ACTN2: variants seen among roughly 807,000 people sequenced by gnomAD.
ACTN2 encodes alpha-actinin-2.
ACTN2 carries 39 observed loss-of-function variants against 113.8 expected under a neutral mutation model. The ratio of observed to expected loss-of-function variants is 0.34; its 90% CI spans 0.27 to 0.45. The LOEUF (loss-of-function observed/expected upper bound fraction) is 0.45, where lower values mean the gene tolerates loss of function less well. ACTN2 is among the 20% of genes least tolerant of loss of function. The pLI, the probability that ACTN2 is intolerant of heterozygous loss-of-function variation, is 1.00. For synonymous variants in ACTN2, 429 were observed against 444.1 expected, an observed-to-expected ratio of 0.97 and a Z score of 0.43; for missense variants, 992 against 1,177.9, an observed-to-expected ratio of 0.84 and a Z score of 2.31.
At chr1:236,701,344 G>T (rs1395408455) in intron 1 of ACTN2, among the ~76,000 whole-genome samples, 1 of 151,998 alleles carries the variant, frequency 6.6e-6, no homozygotes, top group Admixed American at 6.6e-5. Flanking sequence ...GGAAACATTG[G>T]TGAAGTGAGA....
chr1:236,689,568 C>T (rs974900719), intron 1 of ACTN2, among the ~76,000 whole-genome samples: 3 of 151,814 alleles, frequency 2.0e-5, no homozygotes. Context: ...CTGTGTTGCC[C>T]AGGCTGGTCT....
Position 236,744,618 on chromosome 1 carries a change from C to G in ACTN2, c.1256-8C>G, listed in dbSNP as rs747638397. 6.2e-7 allele frequency: 1 copy of G among 1,614,084 alleles called. No individual in the cohort carries two copies. The highest frequency in any genetic ancestry group is 8.5e-7 in the Non-Finnish European group (1 of 1,180,020). On this transcript the variant is annotated splice_region_variant and splice_polypyrimidine_tract_variant and intron_variant, in intron 11 of 20. Transcript: ENST00000366578. ...CATATTCATACTTTCTTGCTACCACCTTTGCAGGCAAAGAGCAGATCTTGC... is the reference window on the plus strand; with the variant it reads ...CATATTCATACTTTCTTGCTACCACGTTTGCAGGCAAAGAGCAGATCTTGC...
In ACTN2 at chr1:236,735,671, T is replaced by C; in HGVS notation, c.734T>C (p.Ile245Thr). Residue 245 changes from isoleucine (I) to threonine (T), a missense_variant, in exon 8 of 21, where the codon ATC becomes ACC. Coordinates refer to ENST00000366578, the MANE Select transcript of ACTN2 (RefSeq NM_001103.4). ...ACCCCTAAACCCGATGAAAGAGCCA[T>C]CATGACGTACGTCTCTTGCTTCTAC... The part of the protein sequence containing the change: ...VNTPKPDERA[I>T]MTYVSCFYHA... 1 of 1,614,208 alleles carries C rather than the reference T, an allele frequency of 6.2e-7. No individual in the cohort carries two copies. The highest frequency in any genetic ancestry group is 8.5e-7 in the Non-Finnish European group (1 of 1,180,026).
chr1:236,755,259 G>C, intron 17 of ACTN2, 61 bp downstream of exon 17: 4 of 1,597,062 alleles, frequency 2.5e-6, no homozygotes, highest in Non-Finnish European at 3.4e-6. Flanking sequence ...CACCTCCTCA[G>C]GGTGCTTTCT....
intron 1 of ACTN2, among the ~76,000 whole-genome samples, chr1:236,715,437 A>T (rs1658166369): frequency 1.3e-5 from 2 of 151,920 alleles, no homozygotes; most frequent in African/African-American, 4.8e-5. Context: ...CCTTCAAAAA[A>T]CAAAACTTAA....
At chr1:236,761,285 C>A in intron 20 of ACTN2, 112 bp downstream of exon 20, 4 of 1,272,276 alleles carry the variant, frequency 3.1e-6, no homozygotes, top group Non-Finnish European at 4.5e-6. Context: ...GTATTTTGTA[C>A]AACATTGGCA....
intron 1 of ACTN2, among the ~76,000 whole-genome samples, chr1:236,701,904 GCTGTCA>G (rs1202271543): frequency 2.0e-5 from 3 of 152,166 alleles, no homozygotes; most frequent in African/African-American, 4.8e-5. Context: ...CACAGGTAGG[GCTGTCA>G]CCATGGAGGC....
Position 236,760,244 on chromosome 1 carries a change from CA to C in ACTN2, c.2367+468del, listed in dbSNP as rs75010158. On this transcript the variant is annotated intron_variant, in intron 19 of 20. Transcript: ENST00000366578. ...CTAGATGACAAGAGTGAAACTCCAT[CA>C]AAAAAAAAAAAAGTCACAGAACCAA... Among the ~76,000 whole-genome samples, 775 of 131,552 alleles carry C rather than the reference CA, an allele frequency of 5.9e-3. 2 individuals are homozygous for C. Among genetic ancestry groups the C allele is most frequent in the African/African-American group, 9.6e-3 (344 of 35,730 alleles). 86.3% of individuals were successfully genotyped at this position (131,552 alleles called of 152,430 possible).
chr1:236,698,900 C>T (rs1289278094), intron 1 of ACTN2, among the ~76,000 whole-genome samples: 1 of 152,148 alleles, frequency 6.6e-6, no homozygotes, highest in Non-Finnish European at 1.5e-5. Context: ...ATATTATCTT[C>T]ATTATTTTAG....
At chr1:236,700,793 C>T (rs1044697228) in intron 1 of ACTN2, among the ~76,000 whole-genome samples, 4 of 152,158 alleles carry the variant, frequency 2.6e-5, no homozygotes, top group Admixed American at 6.5e-5. Flanking sequence ...TTTTAGGGGC[C>T]GTCTTGCCAA....
At position 236,755,100 on chromosome 1, in the gene ACTN2, A is replaced by G. The variant is rs534607483; in HGVS notation, c.2056A>G (p.Ile686Val). ...NQLKQYEHNIINYKNNIDKLE... is the reference protein window; with the variant it reads ...NQLKQYEHNIVNYKNNIDKLE... The stretch of plus-strand genomic sequence containing the variant: ...GCTGAAGCAGTATGAGCACAACATC[A>G]TCAACTATAAGAACAACATCGACAA... Residue 686 changes from isoleucine (I) to valine (V), a missense_variant, in exon 17 of 21, where the codon ATC becomes GTC. Physicochemically the swap from Ile to Val is conservative, Grantham distance 29. This residue lies in a region of ACTN2 where 736 missense variants were observed against 815.4 expected (regional missense o/e 0.90). Coordinates refer to ENST00000366578, the MANE Select transcript of ACTN2 (RefSeq NM_001103.4). The G allele has an allele frequency of 5.6e-6, 9 of 1,614,226 alleles. No individual in the cohort carries two copies. Among genetic ancestry groups the G allele is most frequent in the Admixed American group, 1.7e-5 (1 of 60,032 alleles).
At chr1:236,737,297 GCATATATATATATATA>G in intron 9 of ACTN2, 83 bp downstream of exon 9, 1 of 318,344 alleles carries the variant, frequency 3.1e-6, no homozygotes, top group Non-Finnish European at 6.4e-6. Flanking sequence ...CTCCGTGGGG[GCATATATATATATATA>G]TATATTTTGC....
chr1:236,751,393 T>C, intron 14 of ACTN2, 77 bp from the exon 15 acceptor site: 1 of 1,525,474 alleles, frequency 6.6e-7, no homozygotes, highest in Non-Finnish European at 9.0e-7. Context: ...TTTACTTGTG[T>C]GCGGAAAGGA....
Position 236,757,536 on chromosome 1 carries a change from C to A in ACTN2, c.2205C>A (p.Ile735=), listed in dbSNP as rs757083123. Residue 735 remains isoleucine (I), a synonymous_variant, in exon 18 of 21, where the codon ATC becomes ATA. Transcript: ENST00000366578. ...TGCTGACAACCATCGCCAGAACCAT[C>A]AATGAGGTGGAGACTCAGATCCTGA... is the stretch of plus-strand genomic sequence containing the variant. ...ELLLTTIART[I]NEVETQILTR... 62 of 1,614,182 alleles carry A rather than the reference C, an allele frequency of 3.8e-5. 1 individual carries two copies. The East Asian group carries it at 1.4e-3, about 35-fold the overall frequency.
intron 14 of ACTN2, 113 bp downstream of exon 14, chr1:236,749,377 AT>A: frequency 7.0e-7 from 1 of 1,434,962 alleles, no homozygotes; most frequent in Admixed American, 1.9e-5. Context: ...AAATTAACAA[AT>A]GTGGCTAGAA....
chr1:236,692,032 C>T (rs1002267161), intron 1 of ACTN2, among the ~76,000 whole-genome samples: 11 of 152,176 alleles, frequency 7.2e-5, no homozygotes, highest in African/African-American at 2.4e-4. Context: ...CTGGGAAGAC[C>T]CATGCTTACA....
chr1:236,744,276 C>A (rs1409011193), intron 11 of ACTN2, among the ~76,000 whole-genome samples: 2 of 152,160 alleles, frequency 1.3e-5, no homozygotes, highest in Non-Finnish European at 2.9e-5. Flanking sequence ...CCTGGTAGCT[C>A]TTGGGAGTGA....
At chr1:236,722,589 C>A (rs1045824699) in intron 4 of ACTN2, among the ~76,000 whole-genome samples, 2 of 145,146 alleles carry the variant, frequency 1.4e-5, no homozygotes, top group African/African-American at 5.1e-5. Flanking sequence ...GAGCTGAGAC[C>A]ACACCACTGC....
At chr1:236,732,479 G>A (rs761522337) in intron 7 of ACTN2, among the ~76,000 whole-genome samples, 6 of 148,344 alleles carry the variant, frequency 4.0e-5, no homozygotes, top group African/African-American at 5.1e-5. Flanking sequence ...GTCTCACTCC[G>A]TCGCCCAGGC....
Sources: allele counts gnomAD v4.1 joint callset (sites outside exome capture counted in the v4.1 genomes callset), GRCh38; gene constraint gnomAD v4.1.1; regional missense constraint gnomAD v4.1.1; transcripts MANE v1.5; gene names NCBI Gene and HGNC (gene_info 2026-07-23, HGNC 2026-07-21).